The following NRXN1 variants were observed in gnomAD, a reference collection of about 807,000 sequenced individuals.
The protein encoded by NRXN1 is neurexin 1, also known as neurexin-1.
In NRXN1, 39 loss-of-function variants were observed where a neutral mutation model predicts 150.9. The ratio of observed to expected loss-of-function variants is 0.26; its 90% CI spans 0.20 to 0.34. The LOEUF (loss-of-function observed/expected upper bound fraction) is 0.34. NRXN1 is among the 10% of genes least tolerant of loss of function. The pLI is 1.00. For missense variants in NRXN1, 1,815 were observed against 1,949.9 expected (o/e 0.93, Z 1.30); for synonymous variants, 924 against 757.0 (o/e 1.22, Z -3.62).
chr2:50,766,464 G>C (rs556939159), intron 5 of NRXN1, among the ~76,000 whole-genome samples: 1 of 152,018 alleles, frequency 6.6e-6, no homozygotes, highest in Admixed American at 6.6e-5. Context: ...TTTGAGAGAG[G>C]CAAGGGCTGA....
At chr2:50,847,129 G>T (rs78835629) in intron 5 of NRXN1, among the ~76,000 whole-genome samples, 9 of 152,128 alleles carry the variant, frequency 5.9e-5, no homozygotes, top group Non-Finnish European at 1.2e-4. Flanking sequence ...CATGCATCAG[G>T]GGGAGGTGAG....
At chr2:50,472,823 GTGTGTGTATATATATA>G (rs1304258052) in intron 15 of NRXN1, among the ~76,000 whole-genome samples, 1 of 140,782 alleles carries the variant, frequency 7.1e-6, no homozygotes, top group African/African-American at 2.9e-5. Context: ...GTGTGTGTGT[GTGTGTGTATATATATA>G]TATAAGTTTC....
chr2:51,006,578 A>G (rs2105145826), intron 2 of NRXN1, among the ~76,000 whole-genome samples: 1 of 152,004 alleles, frequency 6.6e-6, no homozygotes, highest in South Asian at 2.1e-4. Context: ...CTACCATTTG[A>G]GCAACTATAG....
At chr2:50,975,890 T>C (rs1481594057) in intron 2 of NRXN1, among the ~76,000 whole-genome samples, 4 of 151,918 alleles carry the variant, frequency 2.6e-5, no homozygotes, top group African/African-American at 9.7e-5. Flanking sequence ...GAAGAAGAAA[T>C]TGTGTTTTGT....
At chr2:50,222,504 TAC>T (rs1450550362) in intron 18 of NRXN1, among the ~76,000 whole-genome samples, 1 of 151,970 alleles carries the variant, frequency 6.6e-6, no homozygotes, top group Non-Finnish European at 1.5e-5. Flanking sequence ...CAGCAATATA[TAC>T]ATTGGTTCGG....
At chr2:50,986,517 A>G (rs1032041510) in intron 2 of NRXN1, among the ~76,000 whole-genome samples, 6 of 151,728 alleles carry the variant, frequency 4.0e-5, no homozygotes, top group Admixed American at 2.6e-4. Flanking sequence ...AAAACACTGA[A>G]TATTTCATGT....
chr2:49,925,782 C>T lies in NRXN1; in HGVS notation c.4217-3531G>A, dbSNP rs184385115. 8.8e-3 allele frequency among the ~76,000 whole-genome samples: 1,342 copies of T among 151,762 alleles called. 12 individuals are homozygous for T. The highest frequency in any genetic ancestry group is 0.04 in the South Asian group (192 of 4,806). On this transcript the variant is annotated intron_variant, in intron 22 of 22. Transcript: ENST00000401669. The stretch of plus-strand genomic sequence containing the variant: ...ATCCTTTTCTTTCTTTGTCCCAGCA[C>T]GTGACAAAGAAACAAGTGAAAGAGA...
chr2:50,967,089 C>T (rs1358725715), intron 2 of NRXN1, among the ~76,000 whole-genome samples: 2 of 151,870 alleles, frequency 1.3e-5, no homozygotes, highest in East Asian at 1.9e-4. Context: ...TAAGTAAACA[C>T]GTTTCTTTCC....
intron 2 of NRXN1, among the ~76,000 whole-genome samples, chr2:50,992,896 A>G (rs1698746719): frequency 6.6e-6 from 1 of 151,966 alleles, no homozygotes. Flanking sequence ...ATATCTTTGG[A>G]AGTTACTGAC....
intron 15 of NRXN1, among the ~76,000 whole-genome samples, chr2:50,483,125 C>T (rs186744533): frequency 2.0e-5 from 3 of 150,466 alleles, no homozygotes; most frequent in Non-Finnish European, 4.4e-5. Context: ...TCTGGTCATG[C>T]TCACTGCTCA....
chr2:50,553,059 T>G, intron 8 of NRXN1, 34 bp from the exon 9 acceptor site: 1 of 1,452,694 alleles, frequency 6.9e-7, no homozygotes, highest in South Asian at 1.3e-5. Flanking sequence ...GAAACTAGCC[T>G]CCATATTTTA....
chr2:50,834,173 CAA>C (rs1671785924), intron 5 of NRXN1, among the ~76,000 whole-genome samples: 1 of 151,852 alleles, frequency 6.6e-6, no homozygotes, highest in Non-Finnish European at 1.5e-5. Context: ...GAGAAGTAGT[CAA>C]AAGACTAAAG....
chr2:50,665,879 T>A (rs1197221611), intron 5 of NRXN1, among the ~76,000 whole-genome samples: 1 of 152,016 alleles, frequency 6.6e-6, no homozygotes, highest in Admixed American at 6.6e-5. Context: ...CCACCTTTTA[T>A]AAGCATCTTC....
intron 17 of NRXN1, among the ~76,000 whole-genome samples, chr2:50,400,238 A>G (rs528234087): frequency 2.8e-4 from 42 of 152,144 alleles, no homozygotes; most frequent in Non-Finnish European, 5.6e-4. Flanking sequence ...TTATACTGAC[A>G]TATTTCCCAT....
chr2:50,422,161 G>A (rs1051478437), intron 17 of NRXN1, among the ~76,000 whole-genome samples: 9 of 152,112 alleles, frequency 5.9e-5, no homozygotes, highest in African/African-American at 2.2e-4. Flanking sequence ...CTAATACAAT[G>A]CATTATTTAG....
chr2:50,881,427 T>G (rs898821728), intron 5 of NRXN1, among the ~76,000 whole-genome samples: 4 of 151,982 alleles, frequency 2.6e-5, no homozygotes, highest in African/African-American at 9.7e-5. Flanking sequence ...ATAAATTTTC[T>G]GTGATTTAGT....
chr2:50,768,933 C>CACAT (rs1192968747), intron 5 of NRXN1, among the ~76,000 whole-genome samples: 30 of 151,700 alleles, frequency 2.0e-4, no homozygotes, highest in African/African-American at 7.0e-4. Context: ...CACACACACA[C>CACAT]ACATACACAC....
At chr2:50,813,218 A>C (rs1432513911) in intron 5 of NRXN1, among the ~76,000 whole-genome samples, 1 of 152,122 alleles carries the variant, frequency 6.6e-6, no homozygotes, top group Non-Finnish European at 1.5e-5. Context: ...TTAATGGCTT[A>C]AATATGCATA....
intron 17 of NRXN1, among the ~76,000 whole-genome samples, chr2:50,250,667 T>A (rs2066952682): frequency 6.6e-6 from 1 of 151,998 alleles, no homozygotes; most frequent in African/African-American, 2.4e-5. Flanking sequence ...TTCACAAAAG[T>A]AGAAAAATGT....
Sources: allele counts gnomAD v4.1 joint callset (sites outside exome capture counted in the v4.1 genomes callset), GRCh38; gene constraint gnomAD v4.1.1; transcripts MANE v1.5; gene names NCBI Gene and HGNC (gene_info 2026-07-23, HGNC 2026-07-21).